The following SLC29A1 variants were observed in gnomAD, a reference collection of about 807,000 sequenced individuals.
The protein encoded by SLC29A1 is solute carrier family 29 member 1 (Augustine blood group).
SLC29A1 carries 22 observed loss-of-function variants against 48.3 expected under a neutral mutation model. The observed-to-expected ratio is 0.46, with a 90% CI of 0.33 to 0.65. The LOEUF is 0.65. Ranked by LOEUF, SLC29A1 falls within the 30% of genes least tolerant of loss-of-function variation. The pLI is 0.03. For missense variants in SLC29A1, 491 were observed against 575.3 expected (o/e 0.85, Z 1.50); for synonymous variants, 228 against 231.0 (o/e 0.99, Z 0.12).
Position 44,229,880 on chromosome 6 carries a change from T to C in SLC29A1, c.315-27T>C, listed in dbSNP as rs1240611124. The C allele has an allele frequency of 1.2e-6, 2 of 1,612,138 alleles. No individual in the cohort carries two copies. Among genetic ancestry groups the C allele is most frequent in the Non-Finnish European group, 1.7e-6 (2 of 1,179,882 alleles). On this transcript the variant is annotated intron_variant, in intron 4 of 12. Coordinates refer to ENST00000371755, the MANE Select transcript of SLC29A1 (RefSeq NM_001372327.1). This position sits in a 1 kb window ranked among gnomAD's most constrained non-coding sequence, Gnocchi z 5.1. The stretch of plus-strand genomic sequence containing the variant: ...TGAGCCCCAGCTTTGCCCACTTGTC[T>C]CTGCCACCCTTGGCCTCTCCCGGCA...
At chr6:44,227,416 T>C in intron 2 of SLC29A1, 74 bp downstream of exon 2, 1 of 1,359,588 alleles carries the variant, frequency 7.4e-7, no homozygotes, top group Non-Finnish European at 1.0e-6. Flanking sequence ...TCCTTTGGAA[T>C]TGGGGGTTGC....
Position 44,233,510 on chromosome 6 carries a change from G to A in SLC29A1, c.1353G>A (p.Leu451=). Residue 451 remains leucine (L), a synonymous_variant, in exon 13 of 13, where the codon CTG becomes CTA. Coordinates refer to ENST00000371755, the MANE Select transcript of SLC29A1 (RefSeq NM_001372327.1). ...GLALGAVFSF[L]FRAIV ...CACTGGGGGCTGTTTTCTCCTTCCTGTTCCGGGCAATTGTGTGACAAAGGA... is the reference window on the plus strand; with the variant it reads ...CACTGGGGGCTGTTTTCTCCTTCCTATTCCGGGCAATTGTGTGACAAAGGA... The A allele has an allele frequency of 6.2e-7, 1 of 1,613,886 alleles. No homozygotes were observed. The highest frequency in any genetic ancestry group is 1.1e-5 in the South Asian group (1 of 91,082).
chr6:44,233,320 C>T (rs2153308827), intron 12 of SLC29A1, 97 bp from the exon 13 acceptor site: 1 of 1,023,274 alleles, frequency 9.8e-7, no homozygotes, highest in East Asian at 2.4e-5. Context: ...TGAGGTTCGA[C>T]AGTCAAGTTG....
chr6:44,226,112 G>A, intron 1 of SLC29A1: 1 of 985,428 alleles, frequency 1.0e-6, no homozygotes, highest in Non-Finnish European at 1.2e-6. Flanking sequence ...GCACCTCCTA[G>A]GGACTGCCCA....
intron 6 of SLC29A1, 30 bp downstream of exon 6, chr6:44,230,511 C>T: frequency 6.2e-7 from 1 of 1,613,984 alleles, no homozygotes; most frequent in Non-Finnish European, 8.5e-7. Flanking sequence ...TGCCCAGTGC[C>T]CTGGTGTGGT....
rs765440511 is a variant in SLC29A1, at chr6:44,229,655, G to A, written c.178G>A (p.Ala60Thr). 35 of 1,614,014 alleles carry A rather than the reference G, an allele frequency of 2.2e-5. No individual in the cohort carries two copies. Among genetic ancestry groups the A allele is most frequent in the Middle Eastern group, 1.6e-4 (1 of 6,084 alleles). The change falls in exon 4 of 13, where the codon GCC (alanine) becomes ACC (threonine). Residue 60 changes from alanine (A) to threonine (T), a missense_variant. Ala to Thr is a moderately conservative substitution (Grantham distance 58). Transcript: ENST00000371755. The surrounding 1 kb of genome is among the most constrained non-coding windows in gnomAD (Gnocchi z 5.1). ...GGTCACTGCTGAACTGAGCAAGGAC[G>A]CCCAGGCGTCAGCCGCCCCTGCAGC... Reference protein sequence around the residue: ...SLVTAELSKDAQASAAPAAPL... With the variant: ...SLVTAELSKDTQASAAPAAPL...
chr6:44,223,292 G>C (rs1776678121), upstream of SLC29A1, among the ~76,000 whole-genome samples: 1 of 151,804 alleles, frequency 6.6e-6, no homozygotes, highest in Non-Finnish European at 1.5e-5. The surrounding 1 kb of genome is among the most constrained non-coding windows in gnomAD (Gnocchi z 5.0). Flanking sequence ...AATTTTATGG[G>C]AGTCTGCGCA....
Position 44,231,373 on chromosome 6 carries a change from C to T in SLC29A1, c.776C>T (p.Pro259Leu). Residue 259 changes from proline (P) to leucine (L), a missense_variant, in exon 9 of 13, where the codon CCA (proline) becomes CTA (leucine). Physicochemically the swap from Pro to Leu is moderately conservative, Grantham distance 98. Coordinates refer to ENST00000371755, the MANE Select transcript of SLC29A1 (RefSeq NM_001372327.1). ...TTCTTCCATCCCGCAGGAGAGGAGC[C>T]AAGAGCAGGCAAAGAGGAATCTGGA... ...KLDLISKGEE[P>L]RAGKEESGVS... 6.3e-7 allele frequency: 1 copy of T among 1,596,438 alleles called. No individual in the cohort carries two copies. The highest frequency in any genetic ancestry group is 8.6e-7 in the Non-Finnish European group (1 of 1,168,092).
chr6:44,220,663 A>ATC (rs530677886), upstream of SLC29A1, among the ~76,000 whole-genome samples: 1 of 149,142 alleles, frequency 6.7e-6, no homozygotes, highest in African/African-American at 2.5e-5. Flanking sequence ...AAAAAAAAAA[A>ATC]AAAATACAAA....
intron 2 of SLC29A1, among the ~76,000 whole-genome samples, chr6:44,228,806 A>G (rs142041064): frequency 2.0e-5 from 3 of 152,340 alleles, no homozygotes; most frequent in African/African-American, 7.2e-5. Flanking sequence ...CCTGGGTGGT[A>G]TGAACTACAA....
chr6:44,231,583 T>C (rs913015521), intron 9 of SLC29A1, 122 bp downstream of exon 9: 3 of 708,000 alleles, frequency 4.2e-6, no homozygotes, highest in Non-Finnish European at 7.6e-6. Flanking sequence ...CTGGATTCTT[T>C]TGTGTGTGCG....
At position 44,229,522 on chromosome 6, in the gene SLC29A1, G is replaced by C; in HGVS notation, c.111+51G>C. 1 of 1,610,214 alleles carries C rather than the reference G, an allele frequency of 6.2e-7. No homozygotes were observed. Among genetic ancestry groups the C allele is most frequent in the Non-Finnish European group, 8.5e-7 (1 of 1,176,456 alleles). ...TGGGGCAGTGCCCACTGTGCTTGCA[G>C]GATCTGACTCTGTGCTGGTAGGCAC... On this transcript the variant is annotated intron_variant, in intron 3 of 12. Transcript: ENST00000371755. This position sits in a 1 kb window ranked among gnomAD's most constrained non-coding sequence, Gnocchi z 5.1.
At chr6:44,222,335 G>C (rs901399424), upstream of SLC29A1, among the ~76,000 whole-genome samples, 3 of 152,050 alleles carry the variant, frequency 2.0e-5, no homozygotes, top group African/African-American at 7.3e-5. Flanking sequence ...AGAAGGCTGG[G>C]GACACCCATT....
chr6:44,233,370 G>T, intron 12 of SLC29A1, 47 bp from the exon 13 acceptor site: 1 of 1,485,992 alleles, frequency 6.7e-7, no homozygotes, highest in Non-Finnish European at 9.4e-7. Context: ...GCTCTGGGCT[G>T]GGGTACAGCC....
chr6:44,226,899 C>T, intron 1 of SLC29A1: 1 of 1,058,814 alleles, frequency 9.4e-7, no homozygotes, highest in Non-Finnish European at 1.1e-6. Flanking sequence ...CTCTTGCCTG[C>T]CTTCTTTGAC....
chr6:44,229,389 G>GA lies in SLC29A1; in HGVS notation c.30dup (p.Tyr11IlefsTer45). On this transcript the variant is annotated frameshift_variant and splice_region_variant. Transcript: ENST00000371755. LOFTEE classifies it high-confidence loss of function. This position sits in a 1 kb window ranked among gnomAD's most constrained non-coding sequence, Gnocchi z 5.1. ...GGCCCATCTTTCCTCCTCCATTGCAGATACAAAGCTGTCTGGCTTATCTTC... is the reference window on the plus strand; with the variant it reads ...GGCCCATCTTTCCTCCTCCATTGCAGAATACAAAGCTGTCTGGCTTATCTTC... 2 of 1,613,554 alleles carry GA rather than the reference G, an allele frequency of 1.2e-6. No individual in the cohort carries two copies. Among genetic ancestry groups the GA allele is most frequent in the Non-Finnish European group, 1.7e-6 (2 of 1,179,456 alleles).
In SLC29A1 at chr6:44,231,418, A is replaced by G; in HGVS notation, c.821A>G (p.Gln274Arg). The change falls in exon 9 of 13, where the codon CAG (glutamine) becomes CGG (arginine). Residue 274 changes from glutamine (Q) to arginine (R), a missense_variant. By Grantham distance (43) the Gln-to-Arg change is conservative (BLOSUM62 1). Coordinates refer to ENST00000371755, the MANE Select transcript of SLC29A1 (RefSeq NM_001372327.1). ...EESGVSVSNSQPTNESHSIKA... is the reference protein window; with the variant it reads ...EESGVSVSNSRPTNESHSIKA... ...TCTGGAGTTTCAGTCTCCAACTCTC[A>G]GCCCACCAATGAAAGCCACTCTATC... 6.2e-7 allele frequency: 1 copy of G among 1,607,532 alleles called. No individual in the cohort carries two copies. Among genetic ancestry groups the G allele is most frequent in the Non-Finnish European group, 8.5e-7 (1 of 1,175,976 alleles).
In SLC29A1 at chr6:44,227,349, G is replaced by A; in HGVS notation, c.29+7G>A. The A allele has an allele frequency of 1.9e-6, 3 of 1,612,792 alleles. No homozygotes were observed. The highest frequency in any genetic ancestry group is 2.5e-6 in the Non-Finnish European group (3 of 1,178,812). Reference sequence around the variant, plus strand: ...GTCACCAGCCTCAGGACAGGTAAGGGGTAAGGGGCTGGGCTGTGGATCCAG... The same window carrying A: ...GTCACCAGCCTCAGGACAGGTAAGGAGTAAGGGGCTGGGCTGTGGATCCAG... On this transcript the variant is annotated splice_region_variant and intron_variant, in intron 2 of 12. Coordinates refer to ENST00000371755, the MANE Select transcript of SLC29A1 (RefSeq NM_001372327.1).
intron 5 of SLC29A1, 63 bp from the exon 6 acceptor site, chr6:44,230,284 C>T: frequency 6.3e-7 from 1 of 1,580,286 alleles, no homozygotes; most frequent in Non-Finnish European, 8.6e-7. Context: ...AGGGATCTGT[C>T]TTCTTGGGCA....
Sources: gnomAD v4.1 joint callset for allele counts (sites outside exome capture counted in the v4.1 genomes callset) on GRCh38, gnomAD v4.1.1 for gene constraint, Gnocchi (gnomAD v3.1) non-coding constraint, MANE v1.5 for transcripts, NCBI Gene and HGNC (gene_info 2026-07-23, HGNC 2026-07-21) for gene names.